The following VPS13B variants were observed in gnomAD, a reference collection of about 807,000 sequenced individuals.
VPS13B encodes the protein vacuolar protein sorting 13 homolog B, also known as intermembrane lipid transfer protein VPS13B.
Under a neutral mutation model 426.4 loss-of-function variants are expected in VPS13B, and 285 were observed. That is an observed-to-expected ratio of 0.67 (90% CI 0.61 to 0.74). The LOEUF (loss-of-function observed/expected upper bound fraction) is 0.74. Ranked by LOEUF, VPS13B falls within the 30% of genes least tolerant of loss-of-function variation. The pLI is 0.00. For missense variants in VPS13B, 4,537 were observed against 4,782.6 expected (o/e 0.95, Z 1.51); for synonymous variants, 1,676 against 1,676.4 (o/e 1.00, Z 0.01).
chr8:99,047,033 C>T (rs759350333), intron 3 of VPS13B, among the ~76,000 whole-genome samples: 13 of 151,952 alleles, frequency 8.6e-5, no homozygotes, highest in Non-Finnish European at 1.8e-4. Context: ...AGGGTGATAT[C>T]GGTTTCATAG....
chr8:99,150,777 T>A (rs1177181752), intron 14 of VPS13B, among the ~76,000 whole-genome samples: 1 of 152,186 alleles, frequency 6.6e-6, no homozygotes, highest in Non-Finnish European at 1.5e-5. Flanking sequence ...TACTTATCCA[T>A]TCACCTACTG....
chr8:99,355,864 C>G (rs1812154788), intron 19 of VPS13B, among the ~76,000 whole-genome samples: 1 of 152,106 alleles, frequency 6.6e-6, no homozygotes, highest in South Asian at 2.1e-4. Context: ...TTGTCACAAT[C>G]TGATGTTTTC....
chr8:99,458,778 A>C lies in VPS13B; in HGVS notation c.3446-8636A>C, dbSNP rs1456975242. ...TTTTGATGGGGTTGTTTGTTTTTTT[A>C]TTGTAAATTTGTTTGAGTTCATTGT... On this transcript the variant is annotated intron_variant, in intron 23 of 61. Transcript: ENST00000357162. Among the ~76,000 whole-genome samples the C allele has an allele frequency of 7.3e-3, 1,096 of 150,846 alleles. 15 individuals are homozygous for C. Among genetic ancestry groups the C allele is most frequent in the African/African-American group, 0.023 (931 of 40,602 alleles).
At chr8:99,424,072 C>T (rs1199886086) in intron 21 of VPS13B, among the ~76,000 whole-genome samples, 1 of 152,080 alleles carries the variant, frequency 6.6e-6, no homozygotes, top group Admixed American at 6.6e-5. Context: ...TAAGGACTTG[C>T]TTTATGAATC....
chr8:99,072,365 C>T (rs1587997200), intron 3 of VPS13B, among the ~76,000 whole-genome samples: 1 of 152,254 alleles, frequency 6.6e-6, no homozygotes, highest in East Asian at 1.9e-4. Context: ...GATGGTCTAG[C>T]AATGTTATCT....
At chr8:99,313,866 G>T (rs972627424) in intron 19 of VPS13B, among the ~76,000 whole-genome samples, 5 of 152,112 alleles carry the variant, frequency 3.3e-5, no homozygotes, top group Admixed American at 3.3e-4. Context: ...CCTCAGCAAT[G>T]GTGGGTGCCC....
intron 8 of VPS13B, among the ~76,000 whole-genome samples, chr8:99,123,066 A>G (rs1484183058): frequency 3.6e-5 from 5 of 137,000 alleles, no homozygotes; most frequent in Non-Finnish European, 6.1e-5. Flanking sequence ...GGTTGTGGTG[A>G]GCTGAGATTG....
chr8:99,507,079 CAATTTCTT>C lies in VPS13B; in HGVS notation c.4158-55_4158-48del. On this transcript the variant is annotated intron_variant, in intron 27 of 61. Coordinates refer to ENST00000357162, the MANE Select transcript of VPS13B (RefSeq NM_152564.5). ...CTTATTTGAAATAGTTATGTATGTT[CAATTTCTT>C]AACTCAGAAAAATTGAAGAGAACAG... The C allele has an allele frequency of 1.9e-6, 3 of 1,586,012 alleles. No individual in the cohort carries two copies. The South Asian group carries it at 3.3e-5, about 18-fold the overall frequency.
At chr8:99,619,980 G>GT (rs934460487) in intron 33 of VPS13B, among the ~76,000 whole-genome samples, 43 of 150,142 alleles carry the variant, frequency 2.9e-4, no homozygotes, top group South Asian at 1.3e-3. Context: ...GTTATTAATG[G>GT]TTTTTTTTTA....
At chr8:99,373,031 G>A (rs1160142991) in intron 19 of VPS13B, among the ~76,000 whole-genome samples, 1 of 152,134 alleles carries the variant, frequency 6.6e-6, no homozygotes, top group Non-Finnish European at 1.5e-5. Flanking sequence ...GAATGAAGCT[G>A]GAAGCCATCA....
chr8:99,352,430 C>T (rs898719087), intron 19 of VPS13B, among the ~76,000 whole-genome samples: 2 of 151,832 alleles, frequency 1.3e-5, no homozygotes, highest in African/African-American at 4.8e-5. Flanking sequence ...ATAAATAGTC[C>T]CATAGAGATT....
intron 19 of VPS13B, among the ~76,000 whole-genome samples, chr8:99,308,174 AT>A (rs1334227673): frequency 2.7e-5 from 4 of 149,216 alleles, no homozygotes; most frequent in Admixed American, 2.0e-4. Flanking sequence ...TTTATTTTTT[AT>A]TTTTAATTTT....
At chr8:99,083,451 C>A (rs1845597374) in intron 3 of VPS13B, among the ~76,000 whole-genome samples, 2 of 150,906 alleles carry the variant, frequency 1.3e-5, no homozygotes, top group Admixed American at 6.7e-5. Flanking sequence ...CCTTTATTTC[C>A]TTCTCCTGCC....
chr8:99,706,271 T>C (rs1231204708), intron 36 of VPS13B, among the ~76,000 whole-genome samples: 2 of 152,118 alleles, frequency 1.3e-5, no homozygotes, highest in African/African-American at 4.8e-5. Context: ...GAAAACAGGC[T>C]CCCAGCAGCC....
intron 56 of VPS13B, among the ~76,000 whole-genome samples, chr8:99,854,980 A>G (rs895059290): frequency 6.6e-6 from 1 of 152,196 alleles, no homozygotes; most frequent in African/African-American, 2.4e-5. Context: ...TCAGGGACTC[A>G]GTGGGAAAAG....
intron 17 of VPS13B, among the ~76,000 whole-genome samples, chr8:99,244,598 T>C (rs1289622846): frequency 6.6e-6 from 1 of 152,238 alleles, no homozygotes; most frequent in Admixed American, 6.5e-5. Context: ...ATCCTCACAT[T>C]TTCGCCTTGG....
chr8:99,507,946 C>G (rs1206180589), intron 28 of VPS13B: 6 of 1,613,620 alleles, frequency 3.7e-6, no homozygotes, highest in Non-Finnish European at 5.1e-6. Context: ...TACACAACTC[C>G]CATTAACAGG....
intron 16 of VPS13B, among the ~76,000 whole-genome samples, chr8:99,191,820 G>T (rs945534326): frequency 6.6e-6 from 1 of 152,140 alleles, no homozygotes; most frequent in Non-Finnish European, 1.5e-5. Context: ...TAGTTTGCTG[G>T]TGTCTCATGC....
chr8:99,792,360 G>A (rs980152346), intron 43 of VPS13B, among the ~76,000 whole-genome samples: 1 of 152,174 alleles, frequency 6.6e-6, no homozygotes, highest in Non-Finnish European at 1.5e-5. Context: ...GGCATTATCG[G>A]ACATGTACTC....
Sources: gnomAD v4.1 joint callset for allele counts (sites outside exome capture counted in the v4.1 genomes callset) on GRCh38, gnomAD v4.1.1 for gene constraint, MANE v1.5 for transcripts, NCBI Gene and HGNC (gene_info 2026-07-23, HGNC 2026-07-21) for gene names.